The following FARSB variants were observed in gnomAD, a reference collection of about 807,000 sequenced individuals.
FARSB encodes the protein phenylalanine--tRNA ligase beta subunit.
In FARSB, 40 loss-of-function variants were observed where a neutral mutation model predicts 69.6. That is an observed-to-expected ratio of 0.57 (90% CI 0.45 to 0.75). The LOEUF (loss-of-function observed/expected upper bound fraction) is 0.75, where lower values mean the gene tolerates loss of function less well. FARSB is among the 30% of genes least tolerant of loss of function. The probability of loss-of-function intolerance (pLI) is 0.00; values close to 1 mark genes in which losing one functional copy is unlikely to be tolerated. For synonymous variants in FARSB, 235 were observed against 247.2 expected (o/e 0.95, Z 0.46); for missense variants, 632 against 722.9 (o/e 0.87, Z 1.44).
intron 15 of FARSB, among the ~76,000 whole-genome samples, chr2:222,609,635 A>T (rs1171061291): frequency 6.6e-6 from 1 of 152,220 alleles, no homozygotes; most frequent in African/African-American, 2.4e-5. Context: ...TGGTTGGCTC[A>T]GCCTCAAAGA....
chr2:222,626,712 C>A (rs1438855577), intron 10 of FARSB, among the ~76,000 whole-genome samples: 1 of 152,232 alleles, frequency 6.6e-6, no homozygotes, highest in South Asian at 2.1e-4. Context: ...AATATATAAT[C>A]ACTTTTATTA....
intron 1 of FARSB, among the ~76,000 whole-genome samples, chr2:222,654,537 T>C (rs1335218722): frequency 6.6e-6 from 1 of 152,162 alleles, no homozygotes; most frequent in African/African-American, 2.4e-5. Context: ...CCACATCCCA[T>C]TAGTGAGAAT....
chr2:222,613,048 T>C (rs1690899171), intron 15 of FARSB, among the ~76,000 whole-genome samples: 1 of 152,198 alleles, frequency 6.6e-6, no homozygotes, highest in Admixed American at 6.5e-5. Flanking sequence ...AATCACGCCA[T>C]ATAAGAAAAT....
chr2:222,600,038 T>C lies in FARSB; in HGVS notation c.1508A>G (p.Asn503Ser), dbSNP rs773284715. 2.5e-6 allele frequency: 4 copies of C among 1,611,184 alleles called. No homozygotes were observed. Among genetic ancestry groups the C allele is most frequent in the Admixed American group, 1.7e-5 (1 of 59,046 alleles). The change falls in exon 16 of 17, where the codon AAC (asparagine) becomes AGC (serine). Residue 503 changes from asparagine (N) to serine (S), a missense_variant. Coordinates refer to ENST00000281828, the MANE Select transcript of FARSB (RefSeq NM_005687.5). Reference protein sequence around the residue: ...NYRHLCAVYYNKNPGFEIIHG... With the variant: ...NYRHLCAVYYSKNPGFEIIHG... ...AATGATCTCAAACCCAGGATTCTTG[T>C]TGTAATAAACAGCACAGAGATGTCT...
intron 5 of FARSB, among the ~76,000 whole-genome samples, chr2:222,636,172 C>T (rs975565558): frequency 4.6e-5 from 7 of 151,582 alleles, no homozygotes; most frequent in Admixed American, 2.0e-4. Flanking sequence ...TTTGGGAGGC[C>T]GAGGCAGGTG....
chr2:222,608,169 A>G (rs1336900437), intron 15 of FARSB, among the ~76,000 whole-genome samples: 1 of 152,204 alleles, frequency 6.6e-6, no homozygotes, highest in African/African-American at 2.4e-5. Flanking sequence ...TTTTGAATTA[A>G]TAATTGGAAA....
At chr2:222,597,429 G>A (rs373456534) in intron 16 of FARSB, among the ~76,000 whole-genome samples, 8 of 151,802 alleles carry the variant, frequency 5.3e-5, no homozygotes, top group African/African-American at 1.7e-4. Context: ...GTTTAGGAAT[G>A]TGTATTTCCT....
chr2:222,638,601 G>A (rs1364093799), intron 5 of FARSB, among the ~76,000 whole-genome samples: 1 of 152,074 alleles, frequency 6.6e-6, no homozygotes, highest in Non-Finnish European at 1.5e-5. Flanking sequence ...AAAAAATGTT[G>A]CTACTACCAC....
intron 15 of FARSB, among the ~76,000 whole-genome samples, chr2:222,600,459 G>T (rs993985512): frequency 6.6e-6 from 1 of 151,920 alleles, no homozygotes; most frequent in Non-Finnish European, 1.5e-5. Flanking sequence ...ATTCAAAAAG[G>T]CTTTATGTAG....
intron 8 of FARSB, among the ~76,000 whole-genome samples, chr2:222,631,086 A>G (rs1177609458): frequency 6.6e-6 from 1 of 152,138 alleles, no homozygotes; most frequent in African/African-American, 2.4e-5. Flanking sequence ...AGATGAACTG[A>G]CTCAAAGTGG....
At chr2:222,636,888 T>C (rs1691595035) in intron 5 of FARSB, among the ~76,000 whole-genome samples, 1 of 152,200 alleles carries the variant, frequency 6.6e-6, no homozygotes, top group Admixed American at 6.5e-5. Context: ...AAGACATGAC[T>C]CTTACTCCAG....
chr2:222,613,503 C>A (rs543569120), intron 15 of FARSB, among the ~76,000 whole-genome samples: 15 of 152,274 alleles, frequency 9.9e-5, no homozygotes, highest in African/African-American at 3.6e-4. Flanking sequence ...TGATATCAGG[C>A]CACTGCACTC....
chr2:222,589,643 C>T (rs1026718295), intron 16 of FARSB, among the ~76,000 whole-genome samples: 4 of 152,014 alleles, frequency 2.6e-5, no homozygotes, highest in African/African-American at 9.7e-5. Context: ...CCAGAATCTA[C>T]AAAGAACTTA....
At position 222,637,841 on chromosome 2, in the gene FARSB, G is replaced by A. The variant is rs1049498898; in HGVS notation, c.455+1739C>T. The stretch of plus-strand genomic sequence containing the variant: ...TACAAAAAAATTTAAAAATTAGCCA[G>A]GTGTGGTGACTCATGCTTGTAGTCC... On this transcript the variant is annotated intron_variant, in intron 5 of 16. Transcript: ENST00000281828. Among the ~76,000 whole-genome samples the A allele has an allele frequency of 2.0e-5, 3 of 152,060 alleles. No homozygotes were observed. The South Asian group carries it at 6.2e-4, about 32-fold the overall frequency.
rs1308544129 is a variant in FARSB, at chr2:222,642,886, T to C, written c.234A>G (p.Glu78=). ...AGACCTGAAGTCCTCGAACCAATCC[T>C]TCCAGACACAGGAGATCATATCTAT... ...PANRYDLLCL[E]GLVRGLQVFK... The change falls in exon 3 of 17, where the codon GAA becomes GAG. Residue 78 remains glutamate, a synonymous_variant. Coordinates refer to ENST00000281828, the MANE Select transcript of FARSB (RefSeq NM_005687.5). 4 of 1,612,536 alleles carry C rather than the reference T, an allele frequency of 2.5e-6. No homozygotes were observed. The African/African-American group carries it at 5.3e-5, about 22-fold the overall frequency.
chr2:222,631,438 C>T (rs1332678231), intron 8 of FARSB, among the ~76,000 whole-genome samples, 166 bp downstream of exon 8: 3 of 152,090 alleles, frequency 2.0e-5, no homozygotes, highest in African/African-American at 7.2e-5. Flanking sequence ...ATGAAAGCAC[C>T]ATAACCAAAG....
intron 16 of FARSB, among the ~76,000 whole-genome samples, chr2:222,596,806 T>C (rs1690429953): frequency 6.6e-6 from 1 of 152,150 alleles, no homozygotes; most frequent in African/African-American, 2.4e-5. Context: ...CGTGTGTGTG[T>C]ATTTTATATA....
chr2:222,605,099 C>T (rs965626959), intron 15 of FARSB, among the ~76,000 whole-genome samples: 1 of 151,616 alleles, frequency 6.6e-6, no homozygotes. Flanking sequence ...CAAAACCTCA[C>T]TAAACCAACC....
At chr2:222,609,122 T>G (rs1690778508) in intron 15 of FARSB, among the ~76,000 whole-genome samples, 1 of 152,208 alleles carries the variant, frequency 6.6e-6, no homozygotes, top group African/African-American at 2.4e-5. Flanking sequence ...CTCTTGCCAT[T>G]TCAGAGAGAT....
Sources: allele counts gnomAD v4.1 joint callset (sites outside exome capture counted in the v4.1 genomes callset), GRCh38; gene constraint gnomAD v4.1.1; transcripts MANE v1.5; gene names NCBI Gene and HGNC (gene_info 2026-07-23, HGNC 2026-07-21).